GNA12: variants seen among roughly 807,000 people sequenced by gnomAD.
GNA12 encodes G protein subunit alpha 12, also known as guanine nucleotide-binding protein subunit alpha-12.
Under a neutral mutation model 26.0 loss-of-function variants are expected in GNA12, and 9 were observed. The ratio of observed to expected loss-of-function variants is 0.35; its 90% CI spans 0.21 to 0.60. The LOEUF (loss-of-function observed/expected upper bound fraction) is 0.60. Among genes scored for constraint, GNA12 ranks in the 20% least tolerant of loss-of-function variants. The probability of loss-of-function intolerance (pLI) is 0.78; values close to 1 mark genes in which losing one functional copy is unlikely to be tolerated. For missense variants in GNA12, 405 were observed against 525.8 expected (o/e 0.77, Z 2.25); for synonymous variants, 264 against 219.6 (o/e 1.20, Z -1.79).
intron 2 of GNA12, among the ~76,000 whole-genome samples, chr7:2,793,843 C>T (rs2115455643): frequency 6.9e-6 from 1 of 145,040 alleles, no homozygotes; most frequent in South Asian, 2.2e-4. Flanking sequence ...GATGGCGCCA[C>T]TGCACTCCAG....
chr7:2,829,863 C>A (rs1392957833), intron 1 of GNA12, among the ~76,000 whole-genome samples: 1 of 152,152 alleles, frequency 6.6e-6, no homozygotes, highest in Admixed American at 6.5e-5. Flanking sequence ...CTTCTTGGAC[C>A]AGAGCTAGAG....
At chr7:2,746,586 C>A (rs1790773347) in intron 2 of GNA12, among the ~76,000 whole-genome samples, 1 of 152,048 alleles carries the variant, frequency 6.6e-6, no homozygotes, top group Non-Finnish European at 1.5e-5. Flanking sequence ...AAAATTGACA[C>A]CCTAACATCA....
intron 2 of GNA12, among the ~76,000 whole-genome samples, chr7:2,740,642 AAAC>A (rs1790451840): frequency 6.6e-6 from 1 of 152,228 alleles, no homozygotes. Flanking sequence ...GGTGAAATGT[AAAC>A]AACATGTTAA....
At chr7:2,796,628 G>C (rs1330420191) in intron 1 of GNA12, among the ~76,000 whole-genome samples, 1 of 152,124 alleles carries the variant, frequency 6.6e-6, no homozygotes. Flanking sequence ...CCACCAAAAC[G>C]GGAGCCAGGG....
chr7:2,795,626 T>TGA (rs1241308591), intron 1 of GNA12, among the ~76,000 whole-genome samples: 1 of 83,050 alleles, frequency 1.2e-5, no homozygotes, highest in Non-Finnish European at 3.0e-5. Context: ...AGACCCTGTT[T>TGA]CAAAAAAAAA....
chr7:2,795,251 G>A, intron 1 of GNA12, 108 bp from the exon 2 acceptor site: 1 of 800,124 alleles, frequency 1.2e-6, no homozygotes, highest in East Asian at 2.5e-5. Flanking sequence ...AAACTCACAA[G>A]CTCTGAGCTG....
intron 2 of GNA12, among the ~76,000 whole-genome samples, chr7:2,734,473 G>C (rs1790057226): frequency 6.6e-6 from 1 of 152,210 alleles, no homozygotes; most frequent in Non-Finnish European, 1.5e-5. Context: ...CAGGGGCAAG[G>C]TCATACACAT....
At chr7:2,734,893 G>C (rs577174795) in intron 2 of GNA12, among the ~76,000 whole-genome samples, 1 of 152,270 alleles carries the variant, frequency 6.6e-6, no homozygotes, top group South Asian at 2.1e-4. Flanking sequence ...GAAGGCATCG[G>C]GAGTGCCAGG....
At chr7:2,779,983 T>C (rs1264066161) in intron 2 of GNA12, among the ~76,000 whole-genome samples, 6 of 147,182 alleles carry the variant, frequency 4.1e-5, no homozygotes, top group South Asian at 2.2e-4. Context: ...ATAAGAAAAA[T>C]AGAACAACTG....
intron 1 of GNA12, among the ~76,000 whole-genome samples, chr7:2,824,938 C>T (rs1381241258): frequency 1.3e-5 from 2 of 152,056 alleles, no homozygotes; most frequent in African/African-American, 2.4e-5. Flanking sequence ...AACCACTTTC[C>T]GACTAAAGAC....
chr7:2,820,007 C>T (rs1025771279), intron 1 of GNA12, among the ~76,000 whole-genome samples: 3 of 152,128 alleles, frequency 2.0e-5, no homozygotes, highest in African/African-American at 2.4e-5. Context: ...ATAAACAAAA[C>T]GGGGCGTAGC....
intron 2 of GNA12, among the ~76,000 whole-genome samples, chr7:2,737,269 G>GTTTTTTTTTTTTTTTTTTTTTTTTTTTT (rs1317020597): frequency 2.6e-5 from 1 of 38,112 alleles, no homozygotes; most frequent in African/African-American, 9.4e-5. Flanking sequence ...TCACAGTTTT[G>GTTTTTTTTTTTTTTTTTTTTTTTTTTTT]TTTTGTTTTT....
At chr7:2,784,289 T>C (rs1792306105) in intron 2 of GNA12, among the ~76,000 whole-genome samples, 1 of 152,040 alleles carries the variant, frequency 6.6e-6, no homozygotes, top group South Asian at 2.1e-4. Flanking sequence ...GGATAATCTT[T>C]TTGTATTTTT....
At chr7:2,792,706 T>C (rs1792550668) in intron 2 of GNA12, among the ~76,000 whole-genome samples, 1 of 152,244 alleles carries the variant, frequency 6.6e-6, no homozygotes, top group Admixed American at 6.5e-5. Flanking sequence ...AAATTTCCTT[T>C]CTACCGCAAC....
intron 2 of GNA12, among the ~76,000 whole-genome samples, chr7:2,767,576 C>T (rs554557600): frequency 6.6e-6 from 1 of 152,272 alleles, no homozygotes; most frequent in South Asian, 2.1e-4. Context: ...AGTACCCTCT[C>T]TCACACACAA....
Position 2,825,801 on chromosome 7 carries a change from C to T in GNA12, c.309+18052G>A, listed in dbSNP as rs1006793420. Among the ~76,000 whole-genome samples the T allele has an allele frequency of 3.9e-5, 6 of 152,248 alleles. No individual in the cohort carries two copies. In the East Asian group the frequency reaches 5.8e-4, roughly 15 times the overall value. On this transcript the variant is annotated intron_variant, in intron 1 of 3. Transcript: ENST00000275364. The stretch of plus-strand genomic sequence containing the variant: ...TGGGGCCGCAGACACAAAGCAGCTG[C>T]GGCAGCTGAAGAGAACAAGTCTTTA...
At chr7:2,744,807 T>G (rs1441628740) in intron 2 of GNA12, among the ~76,000 whole-genome samples, 1 of 151,984 alleles carries the variant, frequency 6.6e-6, no homozygotes, top group Admixed American at 6.6e-5. Flanking sequence ...GAATAACCAA[T>G]GCAGAGAAGT....
At chr7:2,732,974 C>T (rs894293864) in intron 3 of GNA12, among the ~76,000 whole-genome samples, 6 of 152,160 alleles carry the variant, frequency 3.9e-5, no homozygotes, top group Non-Finnish European at 2.9e-5. Context: ...GTTGACATTA[C>T]GGAATTACTG....
At position 2,731,148 on chromosome 7, in the gene GNA12, GCTC is replaced by G; in HGVS notation, c.*30_*32del. On this transcript the variant is annotated 3_prime_UTR_variant, in exon 4 of 4. Transcript: ENST00000275364. The surrounding 1 kb of genome is among the most constrained non-coding windows in gnomAD (Gnocchi z 6.0). ...AGTCTGACCGACAGCCGTGGGGGCT[GCTC>G]AACGACGACAAACCCCGGGGCTTCC... 1 of 1,478,112 alleles carries G rather than the reference GCTC, an allele frequency of 6.8e-7. No individual in the cohort carries two copies. Among genetic ancestry groups the G allele is most frequent in the Non-Finnish European group, 9.3e-7 (1 of 1,071,276 alleles). The allele number at this position is 1,478,112 out of a possible 1,614,324, so 91.6% of individuals were successfully genotyped here.
Sources: allele counts gnomAD v4.1 joint callset (sites outside exome capture counted in the v4.1 genomes callset), GRCh38; gene constraint gnomAD v4.1.1; non-coding constraint Gnocchi (gnomAD v3.1); transcripts MANE v1.5; gene names NCBI Gene and HGNC (gene_info 2026-07-23, HGNC 2026-07-21).